The following TAF4B variants were observed in gnomAD, a reference collection of about 807,000 sequenced individuals.
The protein encoded by TAF4B is TATA-box binding protein associated factor 4b, also known as transcription initiation factor TFIID subunit 4B.
Under a neutral mutation model 86.4 loss-of-function variants are expected in TAF4B, and 38 were observed. The observed-to-expected ratio is 0.44, with a 90% CI of 0.34 to 0.58. TAF4B has a LOEUF of 0.58. Ranked by LOEUF, TAF4B falls within the 20% of genes least tolerant of loss-of-function variation. The pLI is 0.02. For synonymous variants in TAF4B, 388 were observed against 391.2 expected, an observed-to-expected ratio of 0.99 and a Z score of 0.10; for missense variants, 988 against 1,027.6, an observed-to-expected ratio of 0.96 and a Z score of 0.53.
intron 14 of TAF4B, among the ~76,000 whole-genome samples, chr18:26,358,428 G>A (rs1262009391): frequency 6.6e-6 from 1 of 152,116 alleles, no homozygotes. Context: ...GATAATATTA[G>A]GGCCGGGCGA....
At chr18:26,329,223 A>G (rs2144688955) in intron 12 of TAF4B, among the ~76,000 whole-genome samples, 1 of 152,098 alleles carries the variant, frequency 6.6e-6, no homozygotes, top group South Asian at 2.1e-4. Context: ...ACGCCTGGCT[A>G]AATTTTGATT....
chr18:26,250,307 C>T (rs2144496490), intron 1 of TAF4B, among the ~76,000 whole-genome samples: 2 of 152,186 alleles, frequency 1.3e-5, no homozygotes, highest in Middle Eastern at 3.4e-3. Flanking sequence ...ACTGTCCTGG[C>T]TAACACGGTG....
At position 26,389,908 on chromosome 18, in the gene TAF4B, C is replaced by G. The variant is rs371642224; in HGVS notation, c.2485C>G (p.Arg829Gly). ...CCTGACAGCCACCAAACAGTTGCAT[C>G]GTCCAAGAATCACGAGAATCTGCCT... ...SSLTATKQLHRPRITRICLRD... is the reference protein window; with the variant it reads ...SSLTATKQLHGPRITRICLRD... Residue 829 changes from arginine to glycine, a missense_variant, in exon 15 of 15, where the codon CGT becomes GGT. Around this residue, in one of 3 missense-constraint regions of TAF4B, gnomAD observed 216 missense variants for 238.4 expected, o/e 0.91. Coordinates refer to ENST00000269142, the MANE Select transcript of TAF4B (RefSeq NM_005640.3). The G allele has an allele frequency of 1.9e-6, 3 of 1,614,072 alleles. No individual in the cohort carries two copies. The highest frequency in any genetic ancestry group is 2.5e-6 in the Non-Finnish European group (3 of 1,179,960).
At chr18:26,315,536 G>A (rs897783310) in intron 10 of TAF4B, 138 bp downstream of exon 10, 2 of 530,918 alleles carry the variant, frequency 3.8e-6, no homozygotes, top group Non-Finnish European at 6.2e-6. Flanking sequence ...AGATTTCATG[G>A]GCATTACAGA....
At chr18:26,298,849 G>A (rs1276509492) in intron 9 of TAF4B, among the ~76,000 whole-genome samples, 1 of 85,666 alleles carries the variant, frequency 1.2e-5, no homozygotes, top group Non-Finnish European at 2.2e-5. Flanking sequence ...CCAGCCTATT[G>A]CCTTTTTTTT....
At chr18:26,301,090 A>G (rs543688179) in intron 9 of TAF4B, among the ~76,000 whole-genome samples, 186 of 152,242 alleles carry the variant, frequency 1.2e-3, no homozygotes, top group African/African-American at 4.2e-3. Flanking sequence ...TAAGTCTCCA[A>G]ATGATTGCCT....
chr18:26,371,308 C>T (rs1339571558), intron 14 of TAF4B, among the ~76,000 whole-genome samples: 1 of 152,194 alleles, frequency 6.6e-6, no homozygotes, highest in Non-Finnish European at 1.5e-5. Context: ...AAACTGTGGT[C>T]CCCTGTAGCC....
chr18:26,384,048 T>A (rs1978308756), intron 14 of TAF4B, among the ~76,000 whole-genome samples: 1 of 152,202 alleles, frequency 6.6e-6, no homozygotes, highest in Non-Finnish European at 1.5e-5. Flanking sequence ...GATGTTCAGT[T>A]TTTTTTCTTT....
At chr18:26,365,972 G>C (rs780380417) in intron 14 of TAF4B, among the ~76,000 whole-genome samples, 5 of 152,056 alleles carry the variant, frequency 3.3e-5, no homozygotes, top group Non-Finnish European at 7.4e-5. Context: ...TGTATTTTTA[G>C]TTGTGACCAA....
At chr18:26,316,634 A>G (rs1303988050) in intron 10 of TAF4B, among the ~76,000 whole-genome samples, 1 of 151,908 alleles carries the variant, frequency 6.6e-6, no homozygotes, top group African/African-American at 2.4e-5. Flanking sequence ...CAGGTGATCC[A>G]CCCGCCTCCC....
chr18:26,280,393 G>A (rs1022038055), intron 5 of TAF4B, among the ~76,000 whole-genome samples: 8 of 152,054 alleles, frequency 5.3e-5, no homozygotes, highest in Non-Finnish European at 1.0e-4. Context: ...CAGAATGGAA[G>A]AAAATATTTG....
chr18:26,390,129 T>C lies in TAF4B; in HGVS notation c.*117T>C, dbSNP rs1170111703. The C allele has an allele frequency of 9.1e-7, 1 of 1,101,126 alleles. No individual in the cohort carries two copies. Among genetic ancestry groups the C allele is most frequent in the African/African-American group, 1.6e-5 (1 of 63,408 alleles). 68.2% of individuals were successfully genotyped at this position (1,101,126 alleles called of 1,614,324 possible). On this transcript the variant is annotated 3_prime_UTR_variant, in exon 15 of 15. Transcript: ENST00000269142. ...AATAATCACCAACATGAAAGAGCATTGTTTACAGTTAGAAACTTTATTAAC... is the reference window on the plus strand; with the variant it reads ...AATAATCACCAACATGAAAGAGCATCGTTTACAGTTAGAAACTTTATTAAC...
At chr18:26,254,398 G>T (rs1319744908) in intron 1 of TAF4B, among the ~76,000 whole-genome samples, 1 of 151,886 alleles carries the variant, frequency 6.6e-6, no homozygotes, top group African/African-American at 2.4e-5. Context: ...AAAGAAAATA[G>T]AAACTTAATA....
intron 13 of TAF4B, among the ~76,000 whole-genome samples, chr18:26,353,616 G>A (rs993982222): frequency 8.5e-5 from 13 of 152,184 alleles, no homozygotes; most frequent in African/African-American, 2.7e-4. Flanking sequence ...GGCTGATAAA[G>A]GATAGCTTTA....
At chr18:26,373,950 C>G (rs908954068) in intron 14 of TAF4B, among the ~76,000 whole-genome samples, 1 of 152,104 alleles carries the variant, frequency 6.6e-6, no homozygotes, top group East Asian at 1.9e-4. Context: ...TAGGGATGTA[C>G]GAGGGGAGCC....
At position 26,391,643 on chromosome 18, in the gene TAF4B, T is replaced by A. The variant is rs1053186245; in HGVS notation, c.*1631T>A. 1 of 152,186 alleles carries A rather than the reference T, an allele frequency of 6.6e-6. No homozygotes were observed. Among genetic ancestry groups the A allele is most frequent in the Non-Finnish European group, 1.5e-5 (1 of 68,032 alleles). 9.4% of individuals were successfully genotyped at this position (152,186 alleles called of 1,614,324 possible). On this transcript the variant is annotated 3_prime_UTR_variant, in exon 15 of 15. Transcript: ENST00000269142. ...AATCTTACTGATCAGATGTTTAAAATTATTCCAAATACTTCATTAAAATAA... is the reference window on the plus strand; with the variant it reads ...AATCTTACTGATCAGATGTTTAAAAATATTCCAAATACTTCATTAAAATAA...
At position 26,346,873 on chromosome 18, in the gene TAF4B, A is replaced by ATATGTGTG. The variant is rs1555623695; in HGVS notation, c.2317-10816_2317-10815insATGTGTGT. Among the ~76,000 whole-genome samples the ATATGTGTG allele has an allele frequency of 4.9e-4, 6 of 12,296 alleles. 1 individual carries two copies. The highest frequency in any genetic ancestry group is 9.2e-4 in the Non-Finnish European group (5 of 5,454). 8.1% of individuals were successfully genotyped at this position (12,296 alleles called of 152,430 possible). ...TATATATATATGTGTATATATATAT[A>ATATGTGTG]TGTGTATATATATATATATATATAT... is the stretch of plus-strand genomic sequence containing the variant. On this transcript the variant is annotated intron_variant, in intron 13 of 14. Coordinates refer to ENST00000269142, the MANE Select transcript of TAF4B (RefSeq NM_005640.3).
At chr18:26,327,694 T>C (rs1347718205) in intron 12 of TAF4B, among the ~76,000 whole-genome samples, 1 of 152,176 alleles carries the variant, frequency 6.6e-6, no homozygotes, top group Non-Finnish European at 1.5e-5. Flanking sequence ...CTCAGACTCC[T>C]GAGTAGCTGG....
chr18:26,346,819 G>GTATATATATATA lies in TAF4B; in HGVS notation c.2317-10870_2317-10869insATATATATATAT, dbSNP rs2057192856. ...TATATGTGTATATATATATATATGT[G>GTATATATATATA]TGTGTATATATATATATGTGTGTGT... is the stretch of plus-strand genomic sequence containing the variant. On this transcript the variant is annotated intron_variant, in intron 13 of 14. Coordinates refer to ENST00000269142, the MANE Select transcript of TAF4B (RefSeq NM_005640.3). Among the ~76,000 whole-genome samples, 7 of 17,806 alleles carry GTATATATATATA rather than the reference G, an allele frequency of 3.9e-4. 1 individual carries two copies. Among genetic ancestry groups the GTATATATATATA allele is most frequent in the African/African-American group, 8.5e-4 (7 of 8,188 alleles). The allele number at this position is 17,806 out of a possible 152,430, so 11.7% of individuals were successfully genotyped here.
Sources: gnomAD v4.1 joint callset for allele counts (sites outside exome capture counted in the v4.1 genomes callset) on GRCh38, gnomAD v4.1.1 for gene constraint, gnomAD v4.1.1 regional missense constraint, MANE v1.5 for transcripts, NCBI Gene and HGNC (gene_info 2026-07-23, HGNC 2026-07-21) for gene names.